The following FAM222B variants were observed in gnomAD, a reference collection of about 807,000 sequenced individuals.
FAM222B encodes protein FAM222B.
In FAM222B, 12 loss-of-function variants were observed where a neutral mutation model predicts 38.0. The observed-to-expected ratio is 0.32, with a 90% CI of 0.20 to 0.51. The LOEUF (loss-of-function observed/expected upper bound fraction) is 0.51, where lower values mean the gene tolerates loss of function less well. Among genes scored for constraint, FAM222B ranks in the 20% least tolerant of loss-of-function variants. FAM222B has a pLI of 0.97. For missense variants in FAM222B, 716 were observed against 754.2 expected (o/e 0.95, Z 0.59); for synonymous variants, 329 against 317.2 (o/e 1.04, Z -0.40).
At chr17:28,778,719 A>ATATATATATATATAT (rs1411311023) in intron 1 of FAM222B, among the ~76,000 whole-genome samples, 1 of 25,488 alleles carries the variant, frequency 3.9e-5, no homozygotes, top group Admixed American at 7.5e-4. Context: ...ATATATATAT[A>ATATATATATATATAT]TTTTTTTTTT....
Position 28,756,624 on chromosome 17 carries a change from G to T in FAM222B, c.*1646C>A, listed in dbSNP as rs2034707672. Reference sequence around the variant, plus strand: ...TCAGAAGCTACAGGTGCTCCTGGGGGATCAGGACAGGGAGGTACCAGTGTT... The same window carrying T: ...TCAGAAGCTACAGGTGCTCCTGGGGTATCAGGACAGGGAGGTACCAGTGTT... On this transcript the variant is annotated 3_prime_UTR_variant, in exon 3 of 3. Transcript: ENST00000581407. 2 of 152,580 alleles carry T rather than the reference G, an allele frequency of 1.3e-5. No homozygotes were observed. Among genetic ancestry groups the T allele is most frequent in the Non-Finnish European group, 2.9e-5 (2 of 68,076 alleles). 9.5% of individuals were successfully genotyped at this position (152,580 alleles called of 1,614,324 possible). A position where few individuals can be genotyped will look rare whatever the true frequency, so the allele number is the denominator to read the frequency against.
At chr17:28,788,955 C>T (rs1423550103) in intron 1 of FAM222B, among the ~76,000 whole-genome samples, 2 of 150,458 alleles carry the variant, frequency 1.3e-5, no homozygotes, top group East Asian at 2.0e-4. Context: ...CCATGTTAGC[C>T]AGGCTGGTCT....
chr17:28,825,341 T>A (rs1200053688), intron 1 of FAM222B, among the ~76,000 whole-genome samples: 1 of 140,582 alleles, frequency 7.1e-6, no homozygotes, highest in African/African-American at 2.7e-5. Flanking sequence ...GAGGCTGGGG[T>A]GGGAGGATCC....
chr17:28,756,740 TTTTTCC>T lies in FAM222B; in HGVS notation c.*1524_*1529del, dbSNP rs1409180803. The T allele has an allele frequency of 1.3e-5, 2 of 152,376 alleles. No homozygotes were observed. Among genetic ancestry groups the T allele is most frequent in the African/African-American group, 2.4e-5 (1 of 41,380 alleles). 9.4% of individuals were successfully genotyped at this position (152,376 alleles called of 1,614,324 possible). ...ACACAATCAGGCTTTTTTTTTTTTC[TTTTTCC>T]TTTTAAATATAAGGCAACTTGCCAA... On this transcript the variant is annotated 3_prime_UTR_variant, in exon 3 of 3. Transcript: ENST00000581407.
chr17:28,813,737 G>A (rs1466811398), intron 1 of FAM222B, among the ~76,000 whole-genome samples: 4 of 150,304 alleles, frequency 2.7e-5, no homozygotes, highest in Admixed American at 1.3e-4. Flanking sequence ...TAGTAGAGAC[G>A]GGGTTTCACT....
intron 1 of FAM222B, among the ~76,000 whole-genome samples, chr17:28,768,836 C>CAAA (rs71359249): frequency 1.1e-4 from 8 of 70,858 alleles, no homozygotes; most frequent in Admixed American, 3.4e-4. Flanking sequence ...AACTCTGTCT[C>CAAA]AAAAAAAAAA....
intron 1 of FAM222B, among the ~76,000 whole-genome samples, chr17:28,779,787 T>C (rs896432706): frequency 1.3e-5 from 2 of 149,372 alleles, no homozygotes; most frequent in Non-Finnish European, 3.0e-5. Context: ...AATAAATAAA[T>C]AAATAAAGCA....
intron 1 of FAM222B, among the ~76,000 whole-genome samples, chr17:28,808,510 A>G (rs2037595381): frequency 5.9e-5 from 9 of 152,240 alleles, no homozygotes; most frequent in Non-Finnish European, 1.5e-5. Context: ...CTAAGCAACC[A>G]TTCTTTAGGA....
chr17:28,849,798 C>G (rs1323205721), intron 1 of FAM222B, among the ~76,000 whole-genome samples: 1 of 152,080 alleles, frequency 6.6e-6, no homozygotes, highest in Non-Finnish European at 1.5e-5. Flanking sequence ...AATTCCCCTC[C>G]TCACCAGGCG....
chr17:28,812,026 G>C (rs1326893142), intron 1 of FAM222B: 2 of 152,100 alleles, frequency 1.3e-5, no homozygotes, highest in African/African-American at 2.4e-5. Flanking sequence ...TAAGAGTCCT[G>C]AATCTCCTTA....
At chr17:28,837,694 C>T (rs1390907052) in intron 1 of FAM222B, among the ~76,000 whole-genome samples, 1 of 151,426 alleles carries the variant, frequency 6.6e-6, no homozygotes, top group Non-Finnish European at 1.5e-5. Context: ...GCTGTTTCGC[C>T]CAGGGTGGAG....
intron 1 of FAM222B, among the ~76,000 whole-genome samples, chr17:28,822,846 TATATATATATATATATATAC>T (rs1205707354): frequency 1.4e-4 from 12 of 87,008 alleles, no homozygotes; most frequent in African/African-American, 6.5e-4. Context: ...TATATATATA[TATATATATATATATATATAC>T]ACACATATAT....
intron 1 of FAM222B, among the ~76,000 whole-genome samples, chr17:28,787,100 T>C (rs1180772949): frequency 1.3e-5 from 2 of 152,062 alleles, no homozygotes; most frequent in African/African-American, 2.4e-5. Flanking sequence ...AATTTTTTTG[T>C]ATTTTTAGTA....
intron 1 of FAM222B, among the ~76,000 whole-genome samples, chr17:28,786,894 A>ATTTT (rs34396988): frequency 6.9e-5 from 5 of 72,002 alleles, no homozygotes; most frequent in African/African-American, 1.1e-4. Context: ...CCTTCACTGT[A>ATTTT]TTTTTTTTTT....
At chr17:28,793,240 T>C (rs1436069781) in intron 1 of FAM222B, among the ~76,000 whole-genome samples, 1 of 152,102 alleles carries the variant, frequency 6.6e-6, no homozygotes, top group East Asian at 1.9e-4. Flanking sequence ...CCACCCCATG[T>C]TCACATTTTA....
At chr17:28,774,151 T>A in intron 1 of FAM222B, among the ~76,000 whole-genome samples, 1 of 151,800 alleles carries the variant, frequency 6.6e-6, no homozygotes, top group Admixed American at 6.6e-5. Context: ...GTTTTCTTTT[T>A]TTTTTTTTTC....
intron 1 of FAM222B, among the ~76,000 whole-genome samples, chr17:28,769,994 A>AT (rs1431855605): frequency 6.6e-6 from 1 of 151,752 alleles, no homozygotes; most frequent in Non-Finnish European, 1.5e-5. Context: ...TATTTCCCTC[A>AT]TTTTTTTCTT....
chr17:28,762,626 CAAA>C (rs10618524), intron 2 of FAM222B, among the ~76,000 whole-genome samples: 8 of 48,140 alleles, frequency 1.7e-4, no homozygotes, highest in Admixed American at 2.8e-4. Flanking sequence ...GACTCCATCT[CAAA>C]AAAAAAAAAA....
At chr17:28,819,792 G>C (rs114646741) in intron 1 of FAM222B, among the ~76,000 whole-genome samples, 1 of 152,244 alleles carries the variant, frequency 6.6e-6, no homozygotes, top group African/African-American at 2.4e-5. Flanking sequence ...TACAACCACA[G>C]AAATAAAACG....
Sources: gnomAD v4.1 joint callset for allele counts (sites outside exome capture counted in the v4.1 genomes callset) on GRCh38, gnomAD v4.1.1 for gene constraint, MANE v1.5 for transcripts, NCBI Gene and HGNC (gene_info 2026-07-23, HGNC 2026-07-21) for gene names.